Variants in CYTH1 observed in about 807,000 individuals in gnomAD.
The protein encoded by CYTH1 is cytohesin-1.
Under a neutral mutation model 61.8 loss-of-function variants are expected in CYTH1, and 18 were observed. The ratio of observed to expected loss-of-function variants is 0.29; its 90% CI spans 0.20 to 0.43. The LOEUF (loss-of-function observed/expected upper bound fraction) is 0.43, where lower values mean the gene tolerates loss of function less well. CYTH1 is among the 20% of genes least tolerant of loss of function. The pLI is 1.00. For synonymous variants in CYTH1, 174 were observed against 184.3 expected, an observed-to-expected ratio of 0.94 and a Z score of 0.45; for missense variants, 336 against 510.5, an observed-to-expected ratio of 0.66 and a Z score of 3.29.
At chr17:78,697,978 A>G (rs2092959265) in intron 9 of CYTH1, among the ~76,000 whole-genome samples, 1 of 152,212 alleles carries the variant, frequency 6.6e-6, no homozygotes, top group Admixed American at 6.5e-5. Flanking sequence ...TCTGTGTCCC[A>G]TGGGGGCAAT....
chr17:78,703,037 C>T (rs947391081), intron 3 of CYTH1, among the ~76,000 whole-genome samples: 1 of 152,112 alleles, frequency 6.6e-6, no homozygotes, highest in Non-Finnish European at 1.5e-5. Context: ...CTGCCTGCGT[C>T]AGCCTCCCAA....
chr17:78,769,769 C>A (rs1190951841), intron 1 of CYTH1, among the ~76,000 whole-genome samples: 1 of 152,200 alleles, frequency 6.6e-6, no homozygotes, highest in African/African-American at 2.4e-5. Flanking sequence ...GTAATTCTGA[C>A]ACTTTGGGAG....
At chr17:78,705,556 T>C (rs75244276) in intron 3 of CYTH1, among the ~76,000 whole-genome samples, 1,708 of 152,202 alleles carry the variant, frequency 0.011, 31 homozygotes, top group African/African-American at 0.037. Context: ...TTTAGGATCA[T>C]TCCTACAAAA....
At chr17:78,680,578 T>C (rs894641461) in intron 12 of CYTH1, among the ~76,000 whole-genome samples, 1 of 152,218 alleles carries the variant, frequency 6.6e-6, no homozygotes, top group Admixed American at 6.5e-5. Context: ...CCACTTGCAA[T>C]GTACGTAAAA....
At chr17:78,699,044 A>AGTG (rs2092978716) in intron 7 of CYTH1, 76 bp from the exon 8 acceptor site, 2 of 1,532,178 alleles carry the variant, frequency 1.3e-6, no homozygotes, top group Non-Finnish European at 1.8e-6. Flanking sequence ...CAAGAGCAAG[A>AGTG]GTGGTATCAG....
intron 1 of CYTH1, among the ~76,000 whole-genome samples, chr17:78,769,567 A>G (rs937058833): frequency 6.6e-6 from 1 of 151,778 alleles, no homozygotes; most frequent in Non-Finnish European, 1.5e-5. Flanking sequence ...TCATGCACAC[A>G]CCTGCCACAT....
intron 1 of CYTH1, among the ~76,000 whole-genome samples, chr17:78,742,795 C>T (rs1317616808): frequency 1.3e-5 from 2 of 152,116 alleles, no homozygotes; most frequent in South Asian, 2.1e-4. Context: ...GCAGAGGTTG[C>T]AGTGAGCTGA....
chr17:78,766,637 A>G (rs2093449739), intron 1 of CYTH1, among the ~76,000 whole-genome samples: 1 of 152,218 alleles, frequency 6.6e-6, no homozygotes, highest in Non-Finnish European at 1.5e-5. Flanking sequence ...ATAACCAGCA[A>G]CACAGGTTTA....
intron 1 of CYTH1, among the ~76,000 whole-genome samples, chr17:78,766,160 C>T (rs559096782): frequency 9.6e-4 from 145 of 150,440 alleles, no homozygotes; most frequent in African/African-American, 3.4e-3. Context: ...GGACTTCGGG[C>T]AGGAAGACTC....
intron 11 of CYTH1, among the ~76,000 whole-genome samples, chr17:78,684,924 G>A (rs7213598): frequency 0.07 from 10,712 of 152,260 alleles, 765 homozygotes; most frequent in African/African-American, 0.18. Context: ...GGTCTGACCA[G>A]GCATGGTGGC....
intron 11 of CYTH1, among the ~76,000 whole-genome samples, chr17:78,683,393 C>A: frequency 6.6e-6 from 1 of 152,206 alleles, no homozygotes; most frequent in East Asian, 1.9e-4. Context: ...AGACTAAGAG[C>A]TGACTGGGAC....
rs550964909 is a variant in CYTH1 at position 78,740,372 on chromosome 17, T to C, written c.23-30640A>G. Among the ~76,000 whole-genome samples, 5 of 152,362 alleles carry C rather than the reference T, an allele frequency of 3.3e-5. No individual in the cohort carries two copies. The South Asian group carries it at 1.0e-3, about 32-fold the overall frequency. ...CCCCTGCTCCTCCAGACCTTTTGACTTTGAGCTTCTGCTCCCACTATTCAA... is the reference window on the plus strand; with the variant it reads ...CCCCTGCTCCTCCAGACCTTTTGACCTTGAGCTTCTGCTCCCACTATTCAA... On this transcript the variant is annotated intron_variant, in intron 1 of 13. Transcript: ENST00000446868.
rs1307125861 is a variant in CYTH1 at position 78,760,528 on chromosome 17, TATAC to T, written c.22+21670_22+21673del. Among the ~76,000 whole-genome samples, 68 of 47,412 alleles carry T rather than the reference TATAC, an allele frequency of 1.4e-3. 8 individuals are homozygous for T. Among genetic ancestry groups the T allele is most frequent in the Non-Finnish European group, 1.8e-3 (41 of 23,010 alleles). 31.1% of individuals were successfully genotyped at this position (47,412 alleles called of 152,430 possible). ...ATATGTATATATATGTATATATATA[TATAC>T]ATACATATATATGTATATATATATG... is the stretch of plus-strand genomic sequence containing the variant. On this transcript the variant is annotated intron_variant, in intron 1 of 13. Transcript: ENST00000446868.
At chr17:78,708,741 C>T (rs2093095576) in intron 2 of CYTH1, among the ~76,000 whole-genome samples, 1 of 152,258 alleles carries the variant, frequency 6.6e-6, no homozygotes, top group Non-Finnish European at 1.5e-5. Flanking sequence ...ATCGGCTGTG[C>T]ATCCGCACCC....
chr17:78,692,578 C>T, intron 10 of CYTH1, 85 bp from the exon 11 acceptor site: 6 of 1,296,624 alleles, frequency 4.6e-6, no homozygotes, highest in Non-Finnish European at 6.7e-6. Flanking sequence ...CCTCTCTTCT[C>T]AGAGAGGGTT....
At chr17:78,757,458 T>C (rs1381155189) in intron 1 of CYTH1, among the ~76,000 whole-genome samples, 3 of 152,202 alleles carry the variant, frequency 2.0e-5, no homozygotes, top group African/African-American at 7.2e-5. Context: ...CAGCTCATTA[T>C]AGGTGTTCAA....
At chr17:78,777,787 C>A (rs1177769256) in intron 1 of CYTH1, among the ~76,000 whole-genome samples, 1 of 149,790 alleles carries the variant, frequency 6.7e-6, no homozygotes, top group East Asian at 2.0e-4. Flanking sequence ...GAGATCGAGA[C>A]CATCCTAGCT....
intron 1 of CYTH1, among the ~76,000 whole-genome samples, chr17:78,716,539 A>G (rs1486298430): frequency 6.6e-6 from 1 of 152,158 alleles, no homozygotes; most frequent in Non-Finnish European, 1.5e-5. Context: ...TTCCATACTT[A>G]CTAACTTTAA....
At chr17:78,681,187 T>G in intron 11 of CYTH1, 145 bp from the exon 12 acceptor site, 1 of 737,390 alleles carries the variant, frequency 1.4e-6, no homozygotes, top group Non-Finnish European at 2.3e-6. Context: ...CTCCTTACAT[T>G]CTAAACAAGA....
Sources: allele counts gnomAD v4.1 joint callset (sites outside exome capture counted in the v4.1 genomes callset), GRCh38; gene constraint gnomAD v4.1.1; transcripts MANE v1.5; gene names NCBI Gene and HGNC (gene_info 2026-07-23, HGNC 2026-07-21).